The following MTNR1A variants were observed in gnomAD, a reference collection of about 807,000 sequenced individuals.
The protein encoded by MTNR1A is melatonin receptor 1A, also known as melatonin receptor type 1A.
MTNR1A carries 7 observed loss-of-function variants against 5.5 expected under a neutral mutation model. That is an observed-to-expected ratio of 1.28 (90% CI 0.73 to 2.40). MTNR1A has a LOEUF of 2.40. Ranked by LOEUF, MTNR1A falls within the 30% of genes most tolerant of loss-of-function variation. The pLI is 0.00. For missense variants in MTNR1A, 441 were observed against 464.4 expected (o/e 0.95, Z 0.46); for synonymous variants, 196 against 202.7 (o/e 0.97, Z 0.28).
intron 1 of MTNR1A, among the ~76,000 whole-genome samples, chr4:186,554,698 C>T (rs181665605): frequency 6.6e-6 from 1 of 152,342 alleles, no homozygotes; most frequent in Non-Finnish European, 1.5e-5. Context: ...GTTTGGGAGC[C>T]TCTCTTTCCA....
chr4:186,549,518 G>T (rs928585692), intron 1 of MTNR1A, among the ~76,000 whole-genome samples: 18 of 151,996 alleles, frequency 1.2e-4, no homozygotes, highest in Admixed American at 6.6e-5. Flanking sequence ...TTATTACATT[G>T]TTCTCTCCTC....
chr4:186,555,329 G>A lies in MTNR1A; in HGVS notation c.37C>T (p.Gln13Ter). 1 of 1,544,848 alleles carries A rather than the reference G, an allele frequency of 6.5e-7. No individual in the cohort carries two copies. The highest frequency in any genetic ancestry group is 8.7e-7 in the Non-Finnish European group (1 of 1,144,812). The change falls in exon 1 of 2, where the codon CAG (glutamine) becomes TAG (stop). Residue 13 changes from glutamine to a stop codon, truncating the protein, a stop_gained. Coordinates refer to ENST00000307161, the MANE Select transcript of MTNR1A (RefSeq NM_005958.4). LOFTEE classifies it high-confidence loss of function. This position sits in a 1 kb window ranked among gnomAD's most constrained non-coding sequence, Gnocchi z 4.1. The part of the protein sequence containing the change: ...GNGSALPNAS[Q>*]PVLRGDGARP... Reference sequence around the variant, plus strand: ...GCGCCGTCCCCGCGGAGCACGGGCTGGGAGGCGTTGGGCAGCGCGCTGCCG... The same window carrying A: ...GCGCCGTCCCCGCGGAGCACGGGCTAGGAGGCGTTGGGCAGCGCGCTGCCG...
chr4:186,541,451 G>A (rs1259033823), intron 1 of MTNR1A, among the ~76,000 whole-genome samples: 1 of 145,716 alleles, frequency 6.9e-6, no homozygotes, highest in Non-Finnish European at 1.5e-5. Flanking sequence ...AGTGGCTAAT[G>A]GTCAGCTCGA....
At chr4:186,547,662 C>T (rs926063447) in intron 1 of MTNR1A, among the ~76,000 whole-genome samples, 1 of 152,224 alleles carries the variant, frequency 6.6e-6, no homozygotes, top group Non-Finnish European at 1.5e-5. Flanking sequence ...TCTAACTTGA[C>T]TGTTGACTGC....
At chr4:186,539,213 TAAA>T (rs59170135) in intron 1 of MTNR1A, among the ~76,000 whole-genome samples, 1,349 of 115,740 alleles carry the variant, frequency 0.012, 12 homozygotes, top group African/African-American at 0.017. Flanking sequence ...AAGACTCCAT[TAAA>T]AAAAAAAAAA....
intron 1 of MTNR1A, among the ~76,000 whole-genome samples, chr4:186,547,526 C>G (rs994931020): frequency 3.9e-5 from 6 of 152,180 alleles, no homozygotes; most frequent in Admixed American, 3.9e-4. Context: ...ATGGTACTCG[C>G]GGTTGTCTGA....
At position 186,555,422 on chromosome 4, in the gene MTNR1A, C is replaced by T; in HGVS notation, c.-57G>A. 3 of 1,322,016 alleles carry T rather than the reference C, an allele frequency of 2.3e-6. No individual in the cohort carries two copies. The highest frequency in any genetic ancestry group is 7.8e-5 in the Admixed American group (2 of 25,714). 81.9% of individuals were successfully genotyped at this position (1,322,016 alleles called of 1,614,324 possible). ...TCGCCCGCCTCGTCCGCCCGCCCGA[C>T]CACTTGTTAAGGCTCCGCCCGGCGC... is the stretch of plus-strand genomic sequence containing the variant. On this transcript the variant is annotated 5_prime_UTR_variant, in exon 1 of 2. Transcript: ENST00000307161. The surrounding 1 kb of genome is among the most constrained non-coding windows in gnomAD (Gnocchi z 4.1).
intron 1 of MTNR1A, among the ~76,000 whole-genome samples, chr4:186,554,463 G>A (rs952280129): frequency 1.3e-5 from 2 of 152,142 alleles, no homozygotes; most frequent in Non-Finnish European, 1.5e-5. Context: ...AGCATCCTAA[G>A]AACAAAGTGT....
Position 186,534,248 on chromosome 4 carries a change from G to T in MTNR1A, c.494C>A (p.Ala165Glu), listed in dbSNP as rs1371040435. Residue 165 changes from alanine (A) to glutamate (E), a missense_variant, in exon 2 of 2, where the codon GCA becomes GAA. Transcript: ENST00000307161. Reference protein sequence around the residue: ...TLAAVLPNLRAGTLQYDPRIY... With the variant: ...TLAAVLPNLREGTLQYDPRIY... ...CCTCGGGTCGTACTGGAGAGTCCCTGCACGGAGGTTGGGCAGGACGGCCGC... is the reference window on the plus strand; with the variant it reads ...CCTCGGGTCGTACTGGAGAGTCCCTTCACGGAGGTTGGGCAGGACGGCCGC... 1 of 1,614,126 alleles carries T rather than the reference G, an allele frequency of 6.2e-7. No homozygotes were observed. The highest frequency in any genetic ancestry group is 8.5e-7 in the Non-Finnish European group (1 of 1,180,012).
At chr4:186,554,941 T>C (rs1214512799) in intron 1 of MTNR1A, among the ~76,000 whole-genome samples, 1 of 152,130 alleles carries the variant, frequency 6.6e-6, no homozygotes, top group East Asian at 1.9e-4. Flanking sequence ...GACGGGGGTG[T>C]CCCCATAGGA....
intron 1 of MTNR1A, among the ~76,000 whole-genome samples, chr4:186,540,188 A>G (rs1736979169): frequency 6.6e-6 from 1 of 152,160 alleles, no homozygotes; most frequent in Non-Finnish European, 1.5e-5. Flanking sequence ...CTGTGATTCA[A>G]TTACCTCCCA....
At chr4:186,544,936 C>T (rs1464262160) in intron 1 of MTNR1A, among the ~76,000 whole-genome samples, 7 of 152,276 alleles carry the variant, frequency 4.6e-5, no homozygotes, top group East Asian at 1.9e-4. Context: ...GGGGTACAAA[C>T]GACCAGTCCC....
At chr4:186,552,796 A>G (rs1737289853) in intron 1 of MTNR1A, among the ~76,000 whole-genome samples, 1 of 152,208 alleles carries the variant, frequency 6.6e-6, no homozygotes, top group Non-Finnish European at 1.5e-5. Flanking sequence ...CATTGCGGGA[A>G]TCGTCCCTTA....
At chr4:186,541,558 G>T (rs976423460) in intron 1 of MTNR1A, among the ~76,000 whole-genome samples, 2 of 152,158 alleles carry the variant, frequency 1.3e-5, no homozygotes, top group African/African-American at 4.8e-5. Flanking sequence ...GACTGGGTCC[G>T]TGACCTGTTA....
Position 186,555,312 on chromosome 4 carries a change from C to T in MTNR1A, c.54G>A (p.Gly18=), listed in dbSNP as rs762776634. The T allele has an allele frequency of 5.2e-6, 8 of 1,547,010 alleles. No homozygotes were observed. In the South Asian group the frequency reaches 9.5e-5, roughly 18 times the overall value. The change falls in exon 1 of 2, where the codon GGG becomes GGA. Residue 18 remains glycine, a synonymous_variant. Transcript: ENST00000307161. This position sits in a 1 kb window ranked among gnomAD's most constrained non-coding sequence, Gnocchi z 4.1. ...CCAGCCACGAGGGCCGCGCGCCGTC[C>T]CCGCGGAGCACGGGCTGGGAGGCGT... is the stretch of plus-strand genomic sequence containing the variant. ...LPNASQPVLR[G]DGARPSWLAS...
intron 1 of MTNR1A, among the ~76,000 whole-genome samples, chr4:186,546,321 C>T (rs1018246885): frequency 6.6e-6 from 1 of 151,978 alleles, no homozygotes; most frequent in Admixed American, 6.5e-5. Flanking sequence ...CGATGAGCCT[C>T]CTCTCATCCC....
rs750467563 is a variant in MTNR1A, at chr4:186,534,218, T to TA, written c.523dup (p.Tyr175LeufsTer50). 4 of 1,613,728 alleles carry TA rather than the reference T, an allele frequency of 2.5e-6. No individual in the cohort carries two copies. The highest frequency in any genetic ancestry group is 3.4e-6 in the Non-Finnish European group (4 of 1,179,832). ...GACGGACTGGGCGAAGGTGCACGAGTAGATCCTCGGGTCGTACTGGAGAGT... is the reference window on the plus strand; with the variant it reads ...GACGGACTGGGCGAAGGTGCACGAGTAAGATCCTCGGGTCGTACTGGAGAGT... On this transcript the variant is annotated frameshift_variant, in exon 2 of 2. Coordinates refer to ENST00000307161, the MANE Select transcript of MTNR1A (RefSeq NM_005958.4). LOFTEE classifies it low-confidence loss of function (END_TRUNC).
At chr4:186,536,501 T>A (rs1362527199) in intron 1 of MTNR1A, among the ~76,000 whole-genome samples, 1 of 152,200 alleles carries the variant, frequency 6.6e-6, no homozygotes, top group African/African-American at 2.4e-5. Flanking sequence ...CCTTCTATTC[T>A]ATTGACCTGT....
intron 1 of MTNR1A, among the ~76,000 whole-genome samples, 154 bp from the exon 2 acceptor site, chr4:186,534,711 G>A (rs200182002): frequency 1.1e-3 from 1 of 894 alleles, no homozygotes; most frequent in African/African-American, 1.8e-3. Flanking sequence ...TTTCCCAGGA[G>A]GGCCAGTCCA....
Sources: allele counts gnomAD v4.1 joint callset (sites outside exome capture counted in the v4.1 genomes callset), GRCh38; gene constraint gnomAD v4.1.1; non-coding constraint Gnocchi (gnomAD v3.1); transcripts MANE v1.5; gene names NCBI Gene and HGNC (gene_info 2026-07-23, HGNC 2026-07-21).